Variants in RFTN2 observed in about 807,000 individuals in gnomAD.
RFTN2 encodes raftlin-2.
A neutral mutation model predicts 52.7 loss-of-function variants in RFTN2; 34 were observed. The observed-to-expected ratio is 0.64, with a 90% CI of 0.49 to 0.86. RFTN2 has a LOEUF of 0.86. RFTN2 is among the 40% of genes least tolerant of loss of function. The pLI is 0.00. For synonymous variants in RFTN2, 203 were observed against 217.7 expected (o/e 0.93, Z 0.59); for missense variants, 536 against 600.1 (o/e 0.89, Z 1.12).
At chr2:197,658,605 G>A (rs749400583) in intron 1 of RFTN2, among the ~76,000 whole-genome samples, 8 of 152,078 alleles carry the variant, frequency 5.3e-5, no homozygotes, top group Non-Finnish European at 1.2e-4. Flanking sequence ...TTTTTAAACA[G>A]AGGAAATTAA....
intron 7 of RFTN2, among the ~76,000 whole-genome samples, chr2:197,605,514 C>T (rs2087948525): frequency 6.6e-6 from 1 of 152,006 alleles, no homozygotes; most frequent in African/African-American, 2.4e-5. Context: ...CGCGCCTGGC[C>T]GAATTTGTTG....
rs2106264085 is a variant in RFTN2 at position 197,658,424 on chromosome 2, T to C, written c.140-11758A>G. On this transcript the variant is annotated intron_variant, in intron 1 of 8. Transcript: ENST00000295049. Reference sequence around the variant, plus strand: ...TAGCTGGGACCACAGGCGCATGCCATGACACCATGCTAATATTTTGTATTA... The same window carrying C: ...TAGCTGGGACCACAGGCGCATGCCACGACACCATGCTAATATTTTGTATTA... 2.0e-5 allele frequency among the ~76,000 whole-genome samples: 3 copies of C among 150,502 alleles called. No homozygotes were observed. The Admixed American group carries it at 2.0e-4, about 10-fold the overall frequency.
intron 8 of RFTN2, among the ~76,000 whole-genome samples, chr2:197,575,395 C>G (rs1409952852): frequency 2.6e-5 from 4 of 152,208 alleles, no homozygotes; most frequent in Non-Finnish European, 5.9e-5. Flanking sequence ...TCTAGAATGT[C>G]TTCAAGGGTG....
At chr2:197,650,067 TTCATG>T (rs2088803917) in intron 1 of RFTN2, among the ~76,000 whole-genome samples, 3 of 152,074 alleles carry the variant, frequency 2.0e-5, no homozygotes, top group Admixed American at 1.3e-4. Flanking sequence ...AATGGTAAAT[TTCATG>T]TCATGTATGT....
chr2:197,591,992 G>T (rs1292338890), intron 8 of RFTN2, among the ~76,000 whole-genome samples: 1 of 152,152 alleles, frequency 6.6e-6, no homozygotes, highest in African/African-American at 2.4e-5. Flanking sequence ...GGCCAGACCA[G>T]AGAAGGGCTC....
At chr2:197,626,318 C>T (rs2088358187) in intron 5 of RFTN2, among the ~76,000 whole-genome samples, 1 of 152,032 alleles carries the variant, frequency 6.6e-6, no homozygotes, top group Non-Finnish European at 1.5e-5. Context: ...GGAATCCCAG[C>T]ACTTTGGGAG....
At chr2:197,645,774 C>T (rs956690636) in intron 2 of RFTN2, among the ~76,000 whole-genome samples, 24 of 152,160 alleles carry the variant, frequency 1.6e-4, no homozygotes, top group African/African-American at 5.3e-4. Context: ...CCTGTAACCC[C>T]AGTACTTTGG....
chr2:197,634,007 A>C lies in RFTN2; in HGVS notation c.439-10T>G. The C allele has an allele frequency of 6.3e-7, 1 of 1,598,982 alleles. No homozygotes were observed. The highest frequency in any genetic ancestry group is 8.5e-7 in the Non-Finnish European group (1 of 1,171,312). On this transcript the variant is annotated splice_polypyrimidine_tract_variant and intron_variant, in intron 3 of 8. Coordinates refer to ENST00000295049, the MANE Select transcript of RFTN2 (RefSeq NM_144629.3). ...TAGCAGCGACATTAATCTGATATTTAAAAAGAGATGGCAGAACAAAATGTA... is the reference window on the plus strand; with the variant it reads ...TAGCAGCGACATTAATCTGATATTTCAAAAGAGATGGCAGAACAAAATGTA...
chr2:197,675,254 C>T, intron 1 of RFTN2, 66 bp downstream of exon 1: 1 of 1,271,652 alleles, frequency 7.9e-7, no homozygotes, highest in Non-Finnish European at 1.1e-6. Context: ...ATTAAGTCAA[C>T]ACTTAAAAAT....
intron 2 of RFTN2, among the ~76,000 whole-genome samples, chr2:197,644,521 T>A (rs2088720805): frequency 6.6e-6 from 1 of 152,250 alleles, no homozygotes; most frequent in Admixed American, 6.5e-5. Flanking sequence ...AAGCTTCATG[T>A]CTGTAGTTTT....
intron 1 of RFTN2, among the ~76,000 whole-genome samples, chr2:197,646,922 T>C (rs1023872): frequency 4.2e-5 from 5 of 119,230 alleles, no homozygotes; most frequent in Non-Finnish European, 7.1e-5. Context: ...AAAAAAAAAC[T>C]CCAATGGCTT....
chr2:197,574,743 C>T (rs2087384072), intron 8 of RFTN2, among the ~76,000 whole-genome samples: 1 of 152,112 alleles, frequency 6.6e-6, no homozygotes, highest in Admixed American at 6.6e-5. Context: ...TGGCACACGC[C>T]TGTAATCCCA....
In RFTN2 at chr2:197,633,744, G is replaced by C. The variant is rs776694203; in HGVS notation, c.692C>G (p.Thr231Ser). 6 of 1,613,262 alleles carry C rather than the reference G, an allele frequency of 3.7e-6. No homozygotes were observed. The highest frequency in any genetic ancestry group is 5.1e-6 in the Non-Finnish European group (6 of 1,179,558). The stretch of plus-strand genomic sequence containing the variant: ...TTCTCCCTTTCTTGATTTAGAGGAA[G>C]TAGGGCTGCCATTTTGTTCCATTTG... ...QYQMEQNGSP[T>S]SSKSRKGEAS... is the part of the protein sequence containing the mutation. Residue 231 changes from threonine to serine, a missense_variant, in exon 4 of 9, where the codon ACT becomes AGT. Coordinates refer to ENST00000295049, the MANE Select transcript of RFTN2 (RefSeq NM_144629.3).
chr2:197,572,405 C>T, intron 8 of RFTN2, 125 bp from the exon 9 acceptor site: 1 of 914,458 alleles, frequency 1.1e-6, no homozygotes, highest in Non-Finnish European at 1.7e-6. Flanking sequence ...CAAAATCCTG[C>T]TCATCTTCAA....
intron 7 of RFTN2, among the ~76,000 whole-genome samples, chr2:197,608,860 C>A (rs1196436283): frequency 6.6e-6 from 1 of 151,932 alleles, no homozygotes; most frequent in Non-Finnish European, 1.5e-5. Flanking sequence ...TCAACTCCCA[C>A]TTATTAGTGA....
chr2:197,580,164 G>A (rs781426330), intron 8 of RFTN2, among the ~76,000 whole-genome samples: 12 of 151,662 alleles, frequency 7.9e-5, no homozygotes, highest in Non-Finnish European at 1.5e-4. Context: ...ATCCGCTCCC[G>A]ACATTAAAAA....
chr2:197,574,384 G>C (rs1159514582), intron 8 of RFTN2, among the ~76,000 whole-genome samples: 1 of 152,140 alleles, frequency 6.6e-6, no homozygotes, highest in Non-Finnish European at 1.5e-5. Context: ...ACTTGTATGG[G>C]GCCTGTAACC....
Position 197,641,031 on chromosome 2 carries a change from T to C in RFTN2, c.438+3127A>G, listed in dbSNP as rs530908784. Among the ~76,000 whole-genome samples the C allele has an allele frequency of 1.2e-3, 178 of 152,366 alleles. 1 individual carries two copies. Among genetic ancestry groups the C allele is most frequent in the African/African-American group, 4.1e-3 (170 of 41,582 alleles). Reference sequence around the variant, plus strand: ...AATTAGTTAAATGAAGAAATAGCAATGTCTTTTATATGGCTACTGTTTTAA... The same window carrying C: ...AATTAGTTAAATGAAGAAATAGCAACGTCTTTTATATGGCTACTGTTTTAA... On this transcript the variant is annotated intron_variant, in intron 3 of 8. Coordinates refer to ENST00000295049, the MANE Select transcript of RFTN2 (RefSeq NM_144629.3).
At chr2:197,608,943 C>T (rs921104609) in intron 7 of RFTN2, among the ~76,000 whole-genome samples, 15 of 152,128 alleles carry the variant, frequency 9.9e-5, no homozygotes, top group Admixed American at 1.3e-4. Context: ...TCATCTGTGT[C>T]CCTGCAAAGG....
Sources: allele counts gnomAD v4.1 joint callset (sites outside exome capture counted in the v4.1 genomes callset), GRCh38; gene constraint gnomAD v4.1.1; transcripts MANE v1.5; gene names NCBI Gene and HGNC (gene_info 2026-07-23, HGNC 2026-07-21).